PPP1R12B: variants seen among roughly 807,000 people sequenced by gnomAD.
PPP1R12B encodes the protein myosin phosphatase target subunit 2.
In PPP1R12B, 76 loss-of-function variants were observed where a neutral mutation model predicts 126.1. The ratio of observed to expected loss-of-function variants is 0.60; its 90% CI spans 0.50 to 0.73. The LOEUF is 0.73. PPP1R12B is among the 30% of genes least tolerant of loss of function. The pLI is 0.00. For missense variants in PPP1R12B, 1,052 were observed against 1,205.1 expected, an observed-to-expected ratio of 0.87 and a Z score of 1.88; for synonymous variants, 356 against 434.7, an observed-to-expected ratio of 0.82 and a Z score of 2.25.
At chr1:202,411,270 CAAAAA>C (rs771739035) in intron 1 of PPP1R12B, among the ~76,000 whole-genome samples, 17 of 59,484 alleles carry the variant, frequency 2.9e-4, no homozygotes, top group East Asian at 5.4e-4. Context: ...CTTCTGGAGG[CAAAAA>C]AAAAAAAAAA....
chr1:202,417,377 G>A (rs1668218849), intron 2 of PPP1R12B: 1 of 985,404 alleles, frequency 1.0e-6, no homozygotes, highest in Non-Finnish European at 1.2e-6. Context: ...AGAAGAATGA[G>A]CCTAAACATG....
chr1:202,351,954 A>G (rs1450708262), intron 1 of PPP1R12B, among the ~76,000 whole-genome samples: 1 of 152,244 alleles, frequency 6.6e-6, no homozygotes, highest in Non-Finnish European at 1.5e-5. Context: ...AGTCAAAGAT[A>G]ACAAGCTCCA....
At chr1:202,411,270 CAAAAAA>C (rs771739035) in intron 1 of PPP1R12B, among the ~76,000 whole-genome samples, 3 of 59,530 alleles carry the variant, frequency 5.0e-5, no homozygotes, top group Non-Finnish European at 1.1e-4. Context: ...CTTCTGGAGG[CAAAAAA>C]AAAAAAAAAA....
chr1:202,553,034 G>T (rs954706240), intron 18 of PPP1R12B, among the ~76,000 whole-genome samples: 2 of 152,154 alleles, frequency 1.3e-5, no homozygotes, highest in African/African-American at 4.8e-5. Context: ...TTCTAGGATT[G>T]CCATCTGAAT....
At chr1:202,424,326 C>CT (rs34030338) in intron 3 of PPP1R12B, among the ~76,000 whole-genome samples, 4,906 of 141,306 alleles carry the variant, frequency 0.035, 232 homozygotes, top group African/African-American at 0.11. Flanking sequence ...CAGGTTCTCT[C>CT]TTTTTTTTTT....
At chr1:202,456,918 C>G (rs1673715058) in intron 13 of PPP1R12B, among the ~76,000 whole-genome samples, 1 of 152,154 alleles carries the variant, frequency 6.6e-6, no homozygotes, top group Non-Finnish European at 1.5e-5. Flanking sequence ...AAAACATAAA[C>G]ACTGAAGGTC....
At chr1:202,555,906 C>G (rs1207103950) in intron 18 of PPP1R12B, among the ~76,000 whole-genome samples, 2 of 149,254 alleles carry the variant, frequency 1.3e-5, no homozygotes, top group East Asian at 2.0e-4. Context: ...GACAGAGTCT[C>G]ACTCTGTCTC....
chr1:202,507,783 T>G (rs2148887313), intron 18 of PPP1R12B, among the ~76,000 whole-genome samples: 1 of 152,304 alleles, frequency 6.6e-6, no homozygotes, highest in East Asian at 1.9e-4. Flanking sequence ...AATAATTGTT[T>G]CTCTTTCAGT....
At chr1:202,513,424 A>G (rs1256920549) in intron 18 of PPP1R12B, among the ~76,000 whole-genome samples, 1 of 152,174 alleles carries the variant, frequency 6.6e-6, no homozygotes, top group Admixed American at 6.5e-5. Context: ...AGGAGGAAGA[A>G]TATGTTTGGG....
intron 1 of PPP1R12B, among the ~76,000 whole-genome samples, chr1:202,402,071 G>A (rs189929770): frequency 3.9e-5 from 6 of 152,194 alleles, no homozygotes; most frequent in Admixed American, 1.3e-4. Flanking sequence ...GGAGACAGGG[G>A]GCGTTTCTCA....
intron 5 of PPP1R12B, 92 bp downstream of exon 5, chr1:202,427,276 A>G: frequency 3.2e-6 from 5 of 1,547,214 alleles, no homozygotes; most frequent in Non-Finnish European, 4.4e-6. Context: ...TGGCAGTCTG[A>G]CTGTTGTGAA....
At chr1:202,460,524 A>G (rs570581904) in intron 13 of PPP1R12B, among the ~76,000 whole-genome samples, 1 of 152,242 alleles carries the variant, frequency 6.6e-6, no homozygotes, top group East Asian at 1.9e-4. Flanking sequence ...GCAGTTGTCA[A>G]TTCAAAAAGG....
intron 1 of PPP1R12B, among the ~76,000 whole-genome samples, chr1:202,395,139 G>GA (rs1664774064): frequency 2.8e-4 from 37 of 133,230 alleles, no homozygotes; most frequent in African/African-American, 5.9e-4. Context: ...AAAAAAGAAA[G>GA]AAAATCAATT....
chr1:202,451,659 A>C (rs1672947224), intron 13 of PPP1R12B, among the ~76,000 whole-genome samples: 2 of 152,026 alleles, frequency 1.3e-5, no homozygotes, highest in South Asian at 2.1e-4. Flanking sequence ...CATTGTCATC[A>C]TGGCCCGTTC....
At chr1:202,476,714 CAT>C (rs550296694) in intron 13 of PPP1R12B, among the ~76,000 whole-genome samples, 5 of 151,738 alleles carry the variant, frequency 3.3e-5, no homozygotes, top group South Asian at 4.2e-4. Context: ...TTTAGTAAGA[CAT>C]ATACTACAAG....
intron 10 of PPP1R12B, chr1:202,439,589 C>A: frequency 8.4e-7 from 1 of 1,184,054 alleles, no homozygotes; most frequent in Non-Finnish European, 1.2e-6. Flanking sequence ...GGCCGCCACC[C>A]CCTCTGTACA....
intron 1 of PPP1R12B, among the ~76,000 whole-genome samples, chr1:202,377,513 C>T (rs1003363454): frequency 2.0e-5 from 3 of 151,672 alleles, no homozygotes; most frequent in Non-Finnish European, 2.9e-5. Flanking sequence ...ACCGTGTTAG[C>T]CAGGATGGTC....
chr1:202,382,415 A>T (rs1286802478), intron 1 of PPP1R12B, among the ~76,000 whole-genome samples: 1 of 150,666 alleles, frequency 6.6e-6, no homozygotes, highest in Non-Finnish European at 1.5e-5. Context: ...TAGAACTTAA[A>T]GTATAATAAA....
rs142036753 is a variant in PPP1R12B at position 202,534,650 on chromosome 1, C to T, written c.2491-24227C>T. On this transcript the variant is annotated intron_variant, in intron 18 of 23. Coordinates refer to ENST00000608999, the MANE Select transcript of PPP1R12B (RefSeq NM_002481.4). ...TTTTCAATATGTTTACTTATTTGCT[C>T]AATCCCTTGTGTAAAGCCAATCCCC... 2.5e-3 allele frequency among the ~76,000 whole-genome samples: 375 copies of T among 147,822 alleles called. 3 individuals are homozygous for T. Among genetic ancestry groups the T allele is most frequent in the African/African-American group, 9.1e-3 (363 of 40,090 alleles).
Sources: gnomAD v4.1 joint callset for allele counts (sites outside exome capture counted in the v4.1 genomes callset) on GRCh38, gnomAD v4.1.1 for gene constraint, MANE v1.5 for transcripts, NCBI Gene and HGNC (gene_info 2026-07-23, HGNC 2026-07-21) for gene names.